The following TGFBR2 variants were observed in gnomAD, a reference collection of about 807,000 sequenced individuals.
The protein encoded by TGFBR2 is TGF-beta receptor type-2.
Under a neutral mutation model 49.0 loss-of-function variants are expected in TGFBR2, and 18 were observed. The ratio of observed to expected loss-of-function variants is 0.37; its 90% CI spans 0.25 to 0.54. The LOEUF is 0.54. TGFBR2 is among the 20% of genes least tolerant of loss of function. The probability of loss-of-function intolerance (pLI) is 0.85; values close to 1 mark genes in which losing one functional copy is unlikely to be tolerated. For missense variants in TGFBR2, 525 were observed against 722.6 expected (o/e 0.73, Z 3.13); for synonymous variants, 282 against 275.9 (o/e 1.02, Z -0.22).
rs1699315124 is a variant in TGFBR2 at position 30,670,250 on chromosome 3, C to T, written c.455-1388C>T. 3.3e-5 allele frequency among the ~76,000 whole-genome samples: 5 copies of T among 152,182 alleles called. 1 individual carries two copies. In the South Asian group the frequency reaches 1.0e-3, roughly 31 times the overall value. On this transcript the variant is annotated intron_variant, in intron 3 of 6. Transcript: ENST00000295754. ...AGGCAGTTTTTTGCTACTGTGCCTT[C>T]CATGTTTCTCTAAGCTTTTCCACAT...
intron 2 of TGFBR2, among the ~76,000 whole-genome samples, chr3:30,645,439 T>G (rs11917237): frequency 0.34 from 51,673 of 150,258 alleles, 9,305 homozygotes; most frequent in East Asian, 0.69. Context: ...ATTATTCATA[T>G]AACCATTGGG....
rs554721015 is a variant in TGFBR2, at chr3:30,606,684, G to C, written c.-200G>C. ...GACTCCTGTGCAGCTTCCCTCGGCC[G>C]CCGGGGGCCTCCCCGCGCCTCGCCG... On this transcript the variant is annotated 5_prime_UTR_variant, in exon 1 of 7. Transcript: ENST00000295754. 2.5e-4 allele frequency: 97 copies of C among 384,680 alleles called. No individual in the cohort carries two copies. Among genetic ancestry groups the C allele is most frequent in the African/African-American group, 1.8e-3 (88 of 48,390 alleles). 23.8% of individuals were successfully genotyped at this position (384,680 alleles called of 1,614,324 possible).
chr3:30,663,980 G>T (rs1465376616), intron 3 of TGFBR2, among the ~76,000 whole-genome samples: 15 of 143,402 alleles, frequency 1.0e-4, no homozygotes, highest in African/African-American at 3.3e-4. Flanking sequence ...AACTTTTTTG[G>T]GGGGGGGAGT....
At chr3:30,689,782 C>T (rs576119305) in intron 6 of TGFBR2, among the ~76,000 whole-genome samples, 3 of 152,238 alleles carry the variant, frequency 2.0e-5, no homozygotes, top group South Asian at 2.1e-4. Context: ...GTATAGTTCT[C>T]GTAATGATGC....
At chr3:30,621,887 T>C (rs1424555570) in intron 1 of TGFBR2, among the ~76,000 whole-genome samples, 1 of 152,230 alleles carries the variant, frequency 6.6e-6, no homozygotes, top group East Asian at 1.9e-4. Context: ...GAATAACTGC[T>C]GCAGCCGTAG....
chr3:30,687,120 A>G (rs1437443834), intron 5 of TGFBR2, among the ~76,000 whole-genome samples: 1 of 152,238 alleles, frequency 6.6e-6, no homozygotes, highest in Non-Finnish European at 1.5e-5. Context: ...TGCCCAGGAT[A>G]TCTAACCAAG....
At chr3:30,620,031 C>T (rs935666309) in intron 1 of TGFBR2, among the ~76,000 whole-genome samples, 2 of 152,026 alleles carry the variant, frequency 1.3e-5, no homozygotes, top group African/African-American at 2.4e-5. Flanking sequence ...ACTAAAAGTA[C>T]AAAAAATTAG....
chr3:30,663,893 G>T (rs1472784830), intron 3 of TGFBR2, among the ~76,000 whole-genome samples: 1 of 149,474 alleles, frequency 6.7e-6, no homozygotes, highest in Non-Finnish European at 1.5e-5. Flanking sequence ...CTCTAGTTTT[G>T]AGGGCCATAC....
intron 3 of TGFBR2, among the ~76,000 whole-genome samples, chr3:30,669,678 A>G (rs1699305311): frequency 6.6e-6 from 1 of 152,306 alleles, no homozygotes; most frequent in East Asian, 1.9e-4. Flanking sequence ...TGGCTGACAA[A>G]GAGAAGGGAA....
intron 1 of TGFBR2, among the ~76,000 whole-genome samples, chr3:30,616,652 GA>G: frequency 6.6e-6 from 1 of 152,102 alleles, no homozygotes; most frequent in East Asian, 1.9e-4. Flanking sequence ...TTTGTTAGTA[GA>G]ATAAATCATT....
Position 30,691,686 on chromosome 3 carries a change from T to C in TGFBR2, c.*87T>C. On this transcript the variant is annotated 3_prime_UTR_variant, in exon 7 of 7. Transcript: ENST00000295754. ...CAGCAGGAAGCTGCCCCTGAACTGA[T>C]GCTTCCTGGAAAACCAAGGGGGTCA... 1 of 1,534,968 alleles carries C rather than the reference T, an allele frequency of 6.5e-7. No homozygotes were observed. The highest frequency in any genetic ancestry group is 9.0e-7 in the Non-Finnish European group (1 of 1,110,866).
rs1014264535 is a variant in TGFBR2 at position 30,612,986 on chromosome 3, G to C, written c.94+6009G>C. On this transcript the variant is annotated intron_variant, in intron 1 of 6. Coordinates refer to ENST00000295754, the MANE Select transcript of TGFBR2 (RefSeq NM_003242.6). ...GTGTAGTCAGTTTAGTCTACTTATGGCCTCCTGCTTAGACTCTTAAGGGTT... is the reference window on the plus strand; with the variant it reads ...GTGTAGTCAGTTTAGTCTACTTATGCCCTCCTGCTTAGACTCTTAAGGGTT... Among the ~76,000 whole-genome samples, 6 of 151,984 alleles carry C rather than the reference G, an allele frequency of 3.9e-5. No individual in the cohort carries two copies. The East Asian group carries it at 1.2e-3, about 29-fold the overall frequency.
chr3:30,610,466 A>T (rs182824609), intron 1 of TGFBR2, among the ~76,000 whole-genome samples: 2 of 152,054 alleles, frequency 1.3e-5, no homozygotes, highest in Non-Finnish European at 2.9e-5. Context: ...GGCAGCCTTT[A>T]ATTGCATTCT....
At chr3:30,639,659 A>G (rs1177406741) in intron 1 of TGFBR2, among the ~76,000 whole-genome samples, 1 of 152,234 alleles carries the variant, frequency 6.6e-6, no homozygotes, top group African/African-American at 2.4e-5. Context: ...ATGTTATTTA[A>G]TTGTGTCAAT....
At chr3:30,647,813 A>G (rs1443129128) in intron 2 of TGFBR2, among the ~76,000 whole-genome samples, 2 of 152,000 alleles carry the variant, frequency 1.3e-5, no homozygotes, top group African/African-American at 4.8e-5. Flanking sequence ...AGTAGCTGTG[A>G]TTACAGGTGC....
chr3:30,671,323 T>C (rs1049803337), intron 3 of TGFBR2, among the ~76,000 whole-genome samples: 24 of 152,208 alleles, frequency 1.6e-4, no homozygotes, highest in Admixed American at 4.6e-4. Context: ...TACTGAATTG[T>C]TACCTAGGAA....
chr3:30,622,638 T>C (rs905417692), intron 1 of TGFBR2, among the ~76,000 whole-genome samples: 3 of 151,806 alleles, frequency 2.0e-5, no homozygotes, highest in Non-Finnish European at 2.9e-5. Flanking sequence ...TCCCAGCACT[T>C]TGGGAGGCCG....
At chr3:30,684,034 T>C (rs370659440) in intron 5 of TGFBR2, among the ~76,000 whole-genome samples, 32 of 152,288 alleles carry the variant, frequency 2.1e-4, no homozygotes, top group African/African-American at 7.5e-4. Flanking sequence ...CACTTAGAAC[T>C]GAGGAGCAAT....
At chr3:30,631,447 G>A (rs1698435227) in intron 1 of TGFBR2, among the ~76,000 whole-genome samples, 1 of 152,050 alleles carries the variant, frequency 6.6e-6, no homozygotes, top group South Asian at 2.1e-4. Context: ...GGTCATGACA[G>A]CAATGAGTAA....
Sources: gnomAD v4.1 joint callset for allele counts (sites outside exome capture counted in the v4.1 genomes callset) on GRCh38, gnomAD v4.1.1 for gene constraint, MANE v1.5 for transcripts, NCBI Gene and HGNC (gene_info 2026-07-23, HGNC 2026-07-21) for gene names.